The following LDHAL6A variants were observed in gnomAD, a reference collection of about 807,000 sequenced individuals.
The protein encoded by LDHAL6A is lactate dehydrogenase A like 6A, also known as L-lactate dehydrogenase A-like 6A.
In LDHAL6A, 19 loss-of-function variants were observed where a neutral mutation model predicts 28.2. The ratio of observed to expected loss-of-function variants is 0.67; its 90% CI spans 0.47 to 0.99. LDHAL6A has a LOEUF of 0.99. LDHAL6A is among the 50% of genes least tolerant of loss of function. The pLI is 0.00. For missense variants in LDHAL6A, 372 were observed against 398.6 expected (o/e 0.93, Z 0.57); for synonymous variants, 144 against 134.4 (o/e 1.07, Z -0.49).
chr11:18,464,756 AG>A (rs1849004581), intron 2 of LDHAL6A, among the ~76,000 whole-genome samples: 1 of 151,512 alleles, frequency 6.6e-6, no homozygotes, highest in Non-Finnish European at 1.5e-5. Flanking sequence ...ATTTGAACTC[AG>A]TTCTGTTTGA....
Position 18,463,951 on chromosome 11 carries a change from T to A in LDHAL6A, c.127-10T>A. On this transcript the variant is annotated splice_polypyrimidine_tract_variant and intron_variant, in intron 1 of 6. Transcript: ENST00000280706. ...ACACTCACACCCATTGGACTAACAA[T>A]GTTTTTCAGGGTTTGAGTGATGAAC... 6.3e-7 allele frequency: 1 copy of A among 1,586,878 alleles called. No individual in the cohort carries two copies. The highest frequency in any genetic ancestry group is 8.7e-7 in the Non-Finnish European group (1 of 1,155,712).
intron 4 of LDHAL6A, 129 bp downstream of exon 4, chr11:18,475,768 T>A: frequency 3.1e-6 from 2 of 635,526 alleles, no homozygotes; most frequent in Non-Finnish European, 2.4e-6. Flanking sequence ...TAGTAGCGTT[T>A]AATTTTTACC....
chr11:18,459,564 C>A (rs1375178775), intron 1 of LDHAL6A, among the ~76,000 whole-genome samples: 1 of 152,124 alleles, frequency 6.6e-6, no homozygotes, highest in African/African-American at 2.4e-5. Context: ...CCTTTCATAT[C>A]GACATCTATC....
intron 4 of LDHAL6A, 49 bp downstream of exon 4, chr11:18,475,688 T>C (rs1286716162): frequency 2.7e-5 from 40 of 1,493,282 alleles, no homozygotes; most frequent in East Asian, 4.7e-5. Context: ...TTCCTATCAA[T>C]CATACAGACA....
chr11:18,465,756 C>T lies in LDHAL6A; in HGVS notation c.364C>T (p.Pro122Ser), dbSNP rs1207025086. The T allele has an allele frequency of 6.2e-7, 1 of 1,613,590 alleles. No individual in the cohort carries two copies. The highest frequency in any genetic ancestry group is 1.7e-5 in the Admixed American group (1 of 59,994). Reference sequence around the variant, plus strand: ...TGTATCCATCTTTAAATTAATGATTCCCAATATTACCCAGTACAGTCCTCA... The same window carrying T: ...TGTATCCATCTTTAAATTAATGATTTCCAATATTACCCAGTACAGTCCTCA... ...RNVSIFKLMIPNITQYSPHCK... is the reference protein window; with the variant it reads ...RNVSIFKLMISNITQYSPHCK... Residue 122 changes from proline (P) to serine (S), a missense_variant, in exon 3 of 7, where the codon CCC becomes TCC. Pro to Ser is a moderately conservative substitution (Grantham distance 74). Coordinates refer to ENST00000280706, the MANE Select transcript of LDHAL6A (RefSeq NM_144972.5).
chr11:18,468,316 G>A (rs1348042235), intron 3 of LDHAL6A: 1 of 150,266 alleles, frequency 6.7e-6, no homozygotes, highest in Non-Finnish European at 1.5e-5. Flanking sequence ...GGCATTCATT[G>A]AGCAGCTTGG....
intron 5 of LDHAL6A, among the ~76,000 whole-genome samples, chr11:18,477,294 A>C (rs936513870): frequency 6.6e-6 from 1 of 152,082 alleles, no homozygotes; most frequent in Non-Finnish European, 1.5e-5. Context: ...ACCCGTCTCT[A>C]CTAAAAATAC....
In LDHAL6A at chr11:18,465,809, A is replaced by G. The variant is rs746850211; in HGVS notation, c.417A>G (p.Pro139=). The G allele has an allele frequency of 6.2e-7, 1 of 1,610,016 alleles. No individual in the cohort carries two copies. The highest frequency in any genetic ancestry group is 8.5e-7 in the Non-Finnish European group (1 of 1,177,770). ...GCAAACTGCTTATTGTTACTAATCCAGGTCAGCTTTGTTGTTTTAAATTTT... is the reference window on the plus strand; with the variant it reads ...GCAAACTGCTTATTGTTACTAATCCGGGTCAGCTTTGTTGTTTTAAATTTT... The part of the protein sequence containing the change: ...PHCKLLIVTN[P]VDILTYVAWK... Residue 139 remains proline, a splice_region_variant and synonymous_variant, in exon 3 of 7, where the codon CCA becomes CCG. Transcript: ENST00000280706.
intron 5 of LDHAL6A, 152 bp downstream of exon 5, chr11:18,476,653 T>A: frequency 7.1e-7 from 1 of 1,414,434 alleles, no homozygotes; most frequent in Non-Finnish European, 9.3e-7. Context: ...TTCACCAGAT[T>A]ATAAATTCTT....
intron 3 of LDHAL6A, among the ~76,000 whole-genome samples, chr11:18,471,704 T>G (rs1234309541): frequency 4.0e-5 from 6 of 149,262 alleles, no homozygotes; most frequent in Non-Finnish European, 3.0e-5. Flanking sequence ...GCGGGAGGAT[T>G]GCTTGAGCCC....
intron 4 of LDHAL6A, among the ~76,000 whole-genome samples, chr11:18,475,905 A>G (rs1414759485): frequency 6.6e-6 from 1 of 152,184 alleles, no homozygotes; most frequent in Non-Finnish European, 1.5e-5. Flanking sequence ...GTAACATGAT[A>G]TAGTTTGTAT....
chr11:18,470,756 G>A (rs1000815425), intron 3 of LDHAL6A, among the ~76,000 whole-genome samples: 8 of 150,900 alleles, frequency 5.3e-5, no homozygotes, highest in African/African-American at 2.0e-4. Flanking sequence ...GCGTGATCTC[G>A]GCTCACTGCC....
Position 18,476,452 on chromosome 11 carries a change from G to A in LDHAL6A, c.661G>A (p.Asp221Asn), listed in dbSNP as rs1313754663. ...LKDLNPDIGTDKDPEQWENVH... is the reference protein window; with the variant it reads ...LKDLNPDIGTNKDPEQWENVH... The stretch of plus-strand genomic sequence containing the variant: ...GGATCTGAACCCAGATATAGGAACT[G>A]ATAAAGATCCTGAGCAGTGGGAAAA... The change falls in exon 5 of 7, where the codon GAT becomes AAT. Residue 221 changes from aspartate (D) to asparagine (N), a missense_variant. Around this residue, in one of 3 missense-constraint regions of LDHAL6A, gnomAD observed 291 missense variants for 302.9 expected, o/e 0.96. Coordinates refer to ENST00000280706, the MANE Select transcript of LDHAL6A (RefSeq NM_144972.5). The A allele has an allele frequency of 1.9e-6, 3 of 1,613,978 alleles. No homozygotes were observed. Among genetic ancestry groups the A allele is most frequent in the African/African-American group, 1.3e-5 (1 of 74,928 alleles).
chr11:18,476,249 T>C (rs1252130569), intron 4 of LDHAL6A, 135 bp from the exon 5 acceptor site: 1 of 919,674 alleles, frequency 1.1e-6, no homozygotes, highest in African/African-American at 1.7e-5. Flanking sequence ...TTAGAATATC[T>C]GGAGTGGGGC....
At chr11:18,468,049 G>GTA (rs367822363) in intron 3 of LDHAL6A, among the ~76,000 whole-genome samples, 503 of 11,168 alleles carry the variant, frequency 0.045, 22 homozygotes, top group East Asian at 0.38. Context: ...ATATATATAC[G>GTA]TATATATATA....
rs1184301037 is a variant in LDHAL6A at position 18,456,103 on chromosome 11, A to G, written c.-578A>G. 1 of 153,830 alleles carries G rather than the reference A, an allele frequency of 6.5e-6. No homozygotes were observed. The highest frequency in any genetic ancestry group is 1.4e-5 in the Non-Finnish European group (1 of 69,282). The allele number at this position is 153,830 out of a possible 1,614,324, so 9.5% of individuals were successfully genotyped here. ...AGTGAGTGGCCATGAGCTGGGCTGC[A>G]AGAGTCCTGGGGAGCAGCCAGAGAG... On this transcript the variant is annotated 5_prime_UTR_variant, in exon 1 of 7. Transcript: ENST00000280706.
intron 1 of LDHAL6A, among the ~76,000 whole-genome samples, chr11:18,460,548 G>A (rs937024298): frequency 4.8e-5 from 7 of 145,548 alleles, no homozygotes; most frequent in East Asian, 2.0e-4. Context: ...AGCCAAGATC[G>A]CACCATTGCA....
chr11:18,476,940 C>G (rs2658558), intron 5 of LDHAL6A, among the ~76,000 whole-genome samples: 149,616 of 152,002 alleles, frequency 0.98, 73,638 homozygotes, highest in South Asian at 0.99. Context: ...AGGAGTATGA[C>G]ACCAGCCTGG....
chr11:18,471,292 C>T (rs1021997046), intron 3 of LDHAL6A, among the ~76,000 whole-genome samples: 1 of 150,956 alleles, frequency 6.6e-6, no homozygotes, highest in Non-Finnish European at 1.5e-5. Flanking sequence ...TCACTGCAAC[C>T]TCCGCCTCCT....
Sources: gnomAD v4.1 joint callset for allele counts (sites outside exome capture counted in the v4.1 genomes callset) on GRCh38, gnomAD v4.1.1 for gene constraint, gnomAD v4.1.1 regional missense constraint, MANE v1.5 for transcripts, NCBI Gene and HGNC (gene_info 2026-07-23, HGNC 2026-07-21) for gene names.